The following PCGF3 variants were observed in gnomAD, a reference collection of about 807,000 sequenced individuals.
PCGF3 encodes the protein polycomb group RING finger protein 3.
Under a neutral mutation model 33.1 loss-of-function variants are expected in PCGF3, and 7 were observed. That is an observed-to-expected ratio of 0.21 (90% CI 0.12 to 0.40). The LOEUF (loss-of-function observed/expected upper bound fraction) is 0.40, where lower values mean the gene tolerates loss of function less well. Ranked by LOEUF, PCGF3 falls within the 10% of genes least tolerant of loss-of-function variation. The probability of loss-of-function intolerance (pLI) is 1.00; values close to 1 mark genes in which losing one functional copy is unlikely to be tolerated. For synonymous variants in PCGF3, 153 were observed against 121.3 expected (o/e 1.26, Z -1.72); for missense variants, 211 against 313.3 (o/e 0.67, Z 2.46).
exon 11 of PCGF3, chr4:769,792 T>C (rs911509010): frequency 1.4e-4 from 22 of 152,714 alleles, no homozygotes; most frequent in Non-Finnish European, 2.6e-4. Flanking sequence ...ACGAAAGCAA[T>C]GTTGGGTTGG....
At chr4:715,252 G>A (rs1742762645) in intron 1 of PCGF3, among the ~76,000 whole-genome samples, 1 of 141,802 alleles carries the variant, frequency 7.1e-6, no homozygotes, top group African/African-American at 2.6e-5. Flanking sequence ...GTGAGAACTG[G>A]GTGTCGGTGC....
At chr4:761,552 T>C in intron 9 of PCGF3, 136 bp downstream of exon 9, 1 of 1,389,972 alleles carries the variant, frequency 7.2e-7, no homozygotes, top group Non-Finnish European at 9.6e-7. Flanking sequence ...CCGTTTTGCC[T>C]GCTTCACCGG....
intron 1 of PCGF3, among the ~76,000 whole-genome samples, chr4:722,977 C>T (rs1403085174): frequency 6.9e-5 from 10 of 144,468 alleles, no homozygotes; most frequent in Non-Finnish European, 1.4e-4. Flanking sequence ...GGTCCACACT[C>T]AGTCATCGCC....
At chr4:727,775 T>A (rs1743391161) in intron 1 of PCGF3, among the ~76,000 whole-genome samples, 1 of 152,236 alleles carries the variant, frequency 6.6e-6, no homozygotes, top group South Asian at 2.1e-4. Flanking sequence ...TTTTCACCTC[T>A]GTGTTTCCTG....
At chr4:711,606 C>T (rs1178615977) in intron 1 of PCGF3, among the ~76,000 whole-genome samples, 1 of 147,766 alleles carries the variant, frequency 6.8e-6, no homozygotes, top group Non-Finnish European at 1.5e-5. Flanking sequence ...TACAGGCGCC[C>T]GCCACCGCGC....
chr4:754,985 G>C (rs1744703876), intron 8 of PCGF3, among the ~76,000 whole-genome samples: 1 of 152,216 alleles, frequency 6.6e-6, no homozygotes, highest in Admixed American at 6.5e-5. Flanking sequence ...GGTGGACAAG[G>C]AGCTCAGTGT....
chr4:722,590 G>A (rs562993517), intron 1 of PCGF3, among the ~76,000 whole-genome samples: 9 of 102,434 alleles, frequency 8.8e-5, no homozygotes, highest in South Asian at 3.9e-4. Context: ...GTCCACACTC[G>A]CGTCATCGCC....
intron 9 of PCGF3, chr4:762,652 T>C (rs1745126191): frequency 1.3e-5 from 2 of 152,396 alleles, no homozygotes; most frequent in Non-Finnish European, 2.9e-5. Flanking sequence ...CCCAGAACTG[T>C]GCCGAAATCA....
exon 11 of PCGF3, chr4:766,436 G>C (rs558951172): frequency 1.0e-5 from 2 of 193,338 alleles, no homozygotes; most frequent in African/African-American, 4.7e-5. Flanking sequence ...CTTCAGTTTA[G>C]TTTATGAATT....
intron 1 of PCGF3, among the ~76,000 whole-genome samples, chr4:707,009 A>G (rs544361759): frequency 2.6e-4 from 40 of 152,186 alleles, no homozygotes; most frequent in Non-Finnish European, 1.5e-5. Flanking sequence ...TCGCGACCCC[A>G]GCCCAGGCAG....
At chr4:748,917 C>T (rs4690191) in intron 8 of PCGF3, among the ~76,000 whole-genome samples, 34,908 of 151,956 alleles carry the variant, frequency 0.23, 4,632 homozygotes, top group Admixed American at 0.34. Context: ...TTGGGGTCTG[C>T]TGGGTGGGCT....
At chr4:725,259 TGA>T (rs1201010861) in intron 1 of PCGF3, 1 of 152,806 alleles carries the variant, frequency 6.5e-6, no homozygotes, top group Non-Finnish European at 1.5e-5. Context: ...GGCCGCGCTG[TGA>T]GGGGTGTACA....
chr4:734,016 A>T (rs912287504), intron 4 of PCGF3: 1 of 1,550,890 alleles, frequency 6.4e-7, no homozygotes, highest in Non-Finnish European at 8.7e-7. Context: ...GGAGAGCGAA[A>T]CACAGGAGAG....
At chr4:748,187 C>T (rs1319220551) in intron 8 of PCGF3, among the ~76,000 whole-genome samples, 1 of 150,986 alleles carries the variant, frequency 6.6e-6, no homozygotes, top group Non-Finnish European at 1.5e-5. Context: ...AAATTCCATA[C>T]CCACGTCTAG....
At chr4:735,876 A>G (rs1416452256) in intron 5 of PCGF3, among the ~76,000 whole-genome samples, 2 of 152,170 alleles carry the variant, frequency 1.3e-5, no homozygotes, top group Admixed American at 1.3e-4. Flanking sequence ...AGCCAGGTGG[A>G]GCGTGTGGTT....
intron 8 of PCGF3, among the ~76,000 whole-genome samples, chr4:747,997 T>G (rs535122081): frequency 8.1e-4 from 124 of 152,274 alleles, no homozygotes; most frequent in Middle Eastern, 3.4e-3. Context: ...TTTTGTGCCT[T>G]TTCCTCCGGG....
exon 11 of PCGF3, chr4:767,297 T>C (rs1745424824): frequency 6.6e-6 from 1 of 152,056 alleles, no homozygotes; most frequent in Non-Finnish European, 1.5e-5. Flanking sequence ...CATTAGAGAA[T>C]AAACAGCCAC....
rs1416737784 is a variant in PCGF3, at chr4:724,540, T to C, written c.-189-6090T>C. On this transcript the variant is annotated intron_variant, in intron 1 of 10. Coordinates refer to ENST00000362003, the Ensembl canonical transcript of PCGF3. ...ACTCCAGGTGTTTTGTTAGAAATTA[T>C]TCTTGGCCGGGCACGGTGGCTCACA... Among the ~76,000 whole-genome samples the C allele has an allele frequency of 2.0e-5, 3 of 152,330 alleles. No individual in the cohort carries two copies. The East Asian group carries it at 5.8e-4, about 29-fold the overall frequency.
intron 1 of PCGF3, among the ~76,000 whole-genome samples, chr4:722,946 C>T (rs1468724348): frequency 1.5e-5 from 2 of 131,772 alleles, no homozygotes; most frequent in Non-Finnish European, 3.2e-5. Context: ...TCCACACTCG[C>T]GACATCGCCC....
Sources: allele counts gnomAD v4.1 joint callset (sites outside exome capture counted in the v4.1 genomes callset), GRCh38; gene constraint gnomAD v4.1.1; transcripts MANE v1.5; gene names NCBI Gene and HGNC (gene_info 2026-07-23, HGNC 2026-07-21).